TRPC5: variants seen among roughly 807,000 people sequenced by gnomAD.
The protein encoded by TRPC5 is short transient receptor potential channel 5.
TRPC5 carries 9 observed loss-of-function variants against 56.5 expected under a neutral mutation model. The observed-to-expected ratio is 0.16, with a 90% CI of 0.10 to 0.28. The LOEUF is 0.28. Among genes scored for constraint, TRPC5 ranks in the 10% least tolerant of loss-of-function variants. The pLI is 1.00. For missense variants in TRPC5, 469 were observed against 748.9 expected, an observed-to-expected ratio of 0.63 and a Z score of 4.36; for synonymous variants, 282 against 278.5, an observed-to-expected ratio of 1.01 and a Z score of -0.13.
intron 1 of TRPC5, among the ~76,000 whole-genome samples, chrX:112,071,628 G>A (rs1490367130): frequency 8.9e-6 from 1 of 112,390 alleles, no homozygotes; most frequent in Non-Finnish European, 1.9e-5. Context: ...ATACATAAAT[G>A]TATCAGAATG....
intron 1 of TRPC5, among the ~76,000 whole-genome samples, chrX:112,048,104 A>G (rs1013348196): frequency 8.9e-6 from 1 of 112,005 alleles, no homozygotes; most frequent in African/African-American, 3.2e-5. Flanking sequence ...TAAATGATTT[A>G]AATGCTCAGC....
intron 7 of TRPC5, among the ~76,000 whole-genome samples, chrX:111,824,900 C>T (rs757087715): frequency 1.8e-5 from 2 of 111,485 alleles, no homozygotes; most frequent in Non-Finnish European, 3.8e-5. Context: ...CTAGGCCAAT[C>T]CCCGCTGGTG....
chrX:111,863,332 A>T (rs1325588343), intron 3 of TRPC5, among the ~76,000 whole-genome samples: 1 of 111,900 alleles, frequency 8.9e-6, no homozygotes, highest in Non-Finnish European at 1.9e-5. Context: ...TTTTAGTTTG[A>T]TTATATGGCA....
At chrX:112,016,202 T>C (rs931728919) in intron 1 of TRPC5, among the ~76,000 whole-genome samples, 1 of 111,655 alleles carries the variant, frequency 9.0e-6, no homozygotes, top group Non-Finnish European at 1.9e-5. Context: ...TTAGTGATTC[T>C]GTTTGCTTAG....
At chrX:112,072,654 G>A (rs186202398) in intron 1 of TRPC5, among the ~76,000 whole-genome samples, 33 of 112,316 alleles carry the variant, frequency 2.9e-4, no homozygotes, top group Non-Finnish European at 5.4e-4. Context: ...AAAGCTGGGA[G>A]TTGAGTTTTA....
intron 6 of TRPC5, among the ~76,000 whole-genome samples, chrX:111,846,677 G>A (rs183122020): frequency 8.9e-6 from 1 of 111,986 alleles, no homozygotes; most frequent in Admixed American, 9.5e-5. Flanking sequence ...ATTAAGATAT[G>A]TTTGCATCCT....
At chrX:111,976,977 G>A (rs950916065) in intron 1 of TRPC5, among the ~76,000 whole-genome samples, 6 of 111,189 alleles carry the variant, frequency 5.4e-5, no homozygotes, top group African/African-American at 2.0e-4. Flanking sequence ...ATAAAATATT[G>A]ATGAAGAAAT....
chrX:111,959,076 G>C (rs899039306), intron 1 of TRPC5, among the ~76,000 whole-genome samples: 1 of 112,324 alleles, frequency 8.9e-6, no homozygotes, highest in African/African-American at 3.2e-5. Context: ...AGATTGGATT[G>C]CAATTTGAAG....
At chrX:111,872,894 C>G (rs990005282) in intron 3 of TRPC5, among the ~76,000 whole-genome samples, 40 of 112,223 alleles carry the variant, frequency 3.6e-4, no homozygotes, top group Non-Finnish European at 7.5e-5. Context: ...GAAGTGAAGA[C>G]ACACACTATT....
intron 6 of TRPC5, among the ~76,000 whole-genome samples, chrX:111,845,495 G>T (rs980599948): frequency 8.9e-6 from 1 of 111,746 alleles, no homozygotes; most frequent in African/African-American, 3.3e-5. Flanking sequence ...GGCAACAGGG[G>T]TGTTAATAAT....
rs776320165 is a variant in TRPC5, at chrX:111,879,496, T to C, written c.901-25390A>G. Among the ~76,000 whole-genome samples, 6 of 112,393 alleles carry C rather than the reference T, an allele frequency of 5.3e-5. No individual in the cohort carries two copies. The East Asian group carries it at 1.7e-3, about 32-fold the overall frequency. On this transcript the variant is annotated intron_variant, in intron 3 of 10. Transcript: ENST00000262839. Reference sequence around the variant, plus strand: ...TGGTCCTTGCTATTGCCCTTGAATCTTCTTACTGCCCTATGGTGAAGTCCA... The same window carrying C: ...TGGTCCTTGCTATTGCCCTTGAATCCTCTTACTGCCCTATGGTGAAGTCCA...
intron 9 of TRPC5, among the ~76,000 whole-genome samples, chrX:111,780,263 G>T: frequency 9.1e-6 from 1 of 110,066 alleles, no homozygotes; most frequent in Non-Finnish European, 1.9e-5. Flanking sequence ...GGTGGGAAGA[G>T]TGTCCTAATG....
chrX:112,037,327 C>A, intron 1 of TRPC5, among the ~76,000 whole-genome samples: 1 of 111,493 alleles, frequency 9.0e-6, no homozygotes, highest in Non-Finnish European at 1.9e-5. Flanking sequence ...ACACTAAAGG[C>A]CCAGATCCAT....
chrX:111,797,505 G>A (rs1352477485), intron 7 of TRPC5, among the ~76,000 whole-genome samples: 3 of 111,632 alleles, frequency 2.7e-5, no homozygotes, highest in Non-Finnish European at 3.8e-5. Flanking sequence ...TGTGCAGTAA[G>A]TTCAAAATAA....
At chrX:112,005,162 G>A (rs753363754) in intron 1 of TRPC5, among the ~76,000 whole-genome samples, 1 of 111,094 alleles carries the variant, frequency 9.0e-6, no homozygotes, top group South Asian at 3.8e-4. Flanking sequence ...CCTTTGCAGG[G>A]ACATGGATAG....
chrX:111,931,814 C>T (rs1056789633), intron 2 of TRPC5, among the ~76,000 whole-genome samples: 52 of 111,325 alleles, frequency 4.7e-4, no homozygotes, highest in African/African-American at 1.7e-3. Flanking sequence ...TTGATGTCTC[C>T]ACTTGTAAAT....
At chrX:111,948,307 A>G (rs749313639) in intron 2 of TRPC5, among the ~76,000 whole-genome samples, 1 of 111,844 alleles carries the variant, frequency 8.9e-6, no homozygotes, top group South Asian at 3.7e-4. Context: ...TGGAAAGACC[A>G]TTGCCTGAGG....
Position 111,776,511 on chromosome X carries a change from T to C in TRPC5, c.2724A>G (p.Glu908=), listed in dbSNP as rs1410054350. The C allele has an allele frequency of 2.5e-6, 3 of 1,209,097 alleles. No individual in the cohort carries two copies. Among genetic ancestry groups the C allele is most frequent in the African/African-American group, 3.5e-5 (2 of 57,141 alleles). ...EINLSEVELG[E]VQGAAQSSEC... ...CACTGCTCTGAGCAGCGCCCTGGAC[T>C]TCACCTAATTCTACCTCACTGAGGT... The change falls in exon 11 of 11, where the codon GAA becomes GAG. Residue 908 remains glutamate, a synonymous_variant. Coordinates refer to ENST00000262839, the MANE Select transcript of TRPC5 (RefSeq NM_012471.3).
At chrX:111,931,755 C>G (rs1250073101) in intron 2 of TRPC5, among the ~76,000 whole-genome samples, 1 of 111,310 alleles carries the variant, frequency 9.0e-6, no homozygotes, top group Non-Finnish European at 1.9e-5. Context: ...CCAGTGCATC[C>G]GCTTACTAGA....
Sources: gnomAD v4.1 joint callset for allele counts (sites outside exome capture counted in the v4.1 genomes callset) on GRCh38, gnomAD v4.1.1 for gene constraint, MANE v1.5 for transcripts, NCBI Gene and HGNC (gene_info 2026-07-23, HGNC 2026-07-21) for gene names.